Variants in DCC observed in about 807,000 individuals in gnomAD.
DCC encodes DCC netrin 1 receptor, also known as netrin receptor DCC.
DCC carries 58 observed loss-of-function variants against 172.5 expected under a neutral mutation model. The ratio of observed to expected loss-of-function variants is 0.34; its 90% CI spans 0.27 to 0.42. The LOEUF (loss-of-function observed/expected upper bound fraction) is 0.42, where lower values mean the gene tolerates loss of function less well. Ranked by LOEUF, DCC falls within the 10% of genes least tolerant of loss-of-function variation. The pLI is 1.00. For synonymous variants in DCC, 709 were observed against 644.5 expected (o/e 1.10, Z -1.52); for missense variants, 1,740 against 1,791.0 (o/e 0.97, Z 0.51).
intron 1 of DCC, among the ~76,000 whole-genome samples, chr18:52,686,202 C>G (rs1012044129): frequency 6.6e-6 from 1 of 152,070 alleles, no homozygotes; most frequent in African/African-American, 2.4e-5. Flanking sequence ...TTCCATCCTT[C>G]TTGATGGTCA....
chr18:52,502,422 T>C (rs1351297944), intron 1 of DCC, among the ~76,000 whole-genome samples: 1 of 152,206 alleles, frequency 6.6e-6, no homozygotes, highest in Admixed American at 6.6e-5. Flanking sequence ...TCAAATATCT[T>C]TGATTCTCGA....
intron 1 of DCC, among the ~76,000 whole-genome samples, chr18:52,535,402 A>T (rs919145639): frequency 1.3e-5 from 2 of 152,210 alleles, no homozygotes; most frequent in Admixed American, 6.5e-5. Flanking sequence ...AATTGTTGTA[A>T]TCCTTGCCTA....
At chr18:52,433,665 T>C (rs1987697794) in intron 1 of DCC, among the ~76,000 whole-genome samples, 1 of 152,242 alleles carries the variant, frequency 6.6e-6, no homozygotes. Flanking sequence ...AAAGATATTG[T>C]AGTATACATC....
chr18:52,940,906 A>G (rs148945500), intron 5 of DCC: 2 of 152,276 alleles, frequency 1.3e-5, no homozygotes, highest in South Asian at 2.1e-4. Flanking sequence ...GTATTTTAGT[A>G]CTTGGAGTAG....
chr18:53,400,268 A>C (rs1027848349), intron 18 of DCC, among the ~76,000 whole-genome samples: 1 of 152,016 alleles, frequency 6.6e-6, no homozygotes, highest in Admixed American at 6.6e-5. Context: ...AGGGACTTCC[A>C]AAGAATGGAA....
rs66655401 is a variant in DCC, at chr18:52,564,667, T to TGG, written c.92-187377_92-187376dup. On this transcript the variant is annotated intron_variant, in intron 1 of 28. Transcript: ENST00000442544. ...TATGGGATATCTTTTATTATAATAT[T>TGG]GGGGGGGGGGGTGTTAAAATGCCTC... is the stretch of plus-strand genomic sequence containing the variant. Among the ~76,000 whole-genome samples, 224 of 110,538 alleles carry TGG rather than the reference T, an allele frequency of 2.0e-3. 3 individuals are homozygous for TGG. Among genetic ancestry groups the TGG allele is most frequent in the African/African-American group, 6.5e-3 (175 of 26,930 alleles). The allele number at this position is 110,538 out of a possible 152,430, so 72.5% of individuals were successfully genotyped here.
intron 5 of DCC, among the ~76,000 whole-genome samples, chr18:53,028,717 A>G (rs1259549489): frequency 1.3e-5 from 2 of 152,170 alleles, no homozygotes; most frequent in Non-Finnish European, 2.9e-5. Context: ...TAGCCTCTAC[A>G]ATACTTCCAC....
intron 1 of DCC, among the ~76,000 whole-genome samples, chr18:52,346,727 A>G (rs1751379066): frequency 6.6e-6 from 1 of 152,274 alleles, no homozygotes; most frequent in Middle Eastern, 3.4e-3. Flanking sequence ...AGTAGGAAAC[A>G]CACAAATCAT....
At chr18:52,377,251 C>T (rs1985388775) in intron 1 of DCC, among the ~76,000 whole-genome samples, 1 of 152,128 alleles carries the variant, frequency 6.6e-6, no homozygotes, top group Admixed American at 6.5e-5. Flanking sequence ...AGGAACCAGC[C>T]TACATTACTA....
chr18:52,546,649 T>C (rs556383119), intron 1 of DCC, among the ~76,000 whole-genome samples: 9 of 144,198 alleles, frequency 6.2e-5, no homozygotes, highest in Non-Finnish European at 1.3e-4. Context: ...TAGAATGTGA[T>C]CAATAATAAT....
chr18:52,473,361 T>C (rs576581785), intron 1 of DCC, among the ~76,000 whole-genome samples: 2 of 152,340 alleles, frequency 1.3e-5, no homozygotes, highest in South Asian at 4.1e-4. Flanking sequence ...GTCTCTCAAG[T>C]CAATTGGCAT....
chr18:52,556,253 G>A (rs570250292), intron 1 of DCC, among the ~76,000 whole-genome samples: 4 of 152,176 alleles, frequency 2.6e-5, no homozygotes, highest in Admixed American at 6.6e-5. Context: ...GTCCAAAGTT[G>A]TAACACAAAA....
At chr18:52,548,550 G>A (rs1485046808) in intron 1 of DCC, among the ~76,000 whole-genome samples, 1 of 152,066 alleles carries the variant, frequency 6.6e-6, no homozygotes, top group Non-Finnish European at 1.5e-5. Flanking sequence ...GTGGGCAATT[G>A]CTAAGCTAGC....
At chr18:53,441,745 G>T (rs546606824) in intron 22 of DCC, among the ~76,000 whole-genome samples, 2 of 152,266 alleles carry the variant, frequency 1.3e-5, no homozygotes, top group Admixed American at 6.5e-5. Flanking sequence ...TAACCTCTTA[G>T]CTGATCTCCA....
chr18:53,287,544 C>G (rs1471937469), intron 12 of DCC, among the ~76,000 whole-genome samples: 1 of 152,086 alleles, frequency 6.6e-6, no homozygotes, highest in Non-Finnish European at 1.5e-5. Context: ...CTATTTTTAA[C>G]CTTTTGAGGA....
intron 2 of DCC, among the ~76,000 whole-genome samples, chr18:52,798,581 TGAAAG>T (rs150555608): frequency 0.043 from 6,500 of 152,100 alleles, 211 homozygotes; most frequent in South Asian, 0.16. Context: ...CTTTCTGAGT[TGAAAG>T]GAAGCTACTC....
At chr18:53,428,283 T>C (rs1240429293) in intron 21 of DCC, among the ~76,000 whole-genome samples, 4 of 87,334 alleles carry the variant, frequency 4.6e-5, no homozygotes, top group Non-Finnish European at 5.8e-5. Flanking sequence ...TATAATAAAT[T>C]ATATAGAATA....
chr18:53,328,622 C>A (rs2057495233), intron 14 of DCC, among the ~76,000 whole-genome samples: 1 of 151,248 alleles, frequency 6.6e-6, no homozygotes, highest in Admixed American at 6.6e-5. Context: ...GCAACTTTCA[C>A]CTCTCGGGTT....
chr18:53,023,429 A>AAAAATTCTTCTTAT (rs2041912831), intron 5 of DCC, among the ~76,000 whole-genome samples: 1 of 129,214 alleles, frequency 7.7e-6, no homozygotes, highest in Non-Finnish European at 1.7e-5. Flanking sequence ...AAAAAAAAAA[A>AAAAATTCTTCTTAT]GATTCTTCTT....
Sources: allele counts gnomAD v4.1 joint callset (sites outside exome capture counted in the v4.1 genomes callset), GRCh38; gene constraint gnomAD v4.1.1; transcripts MANE v1.5; gene names NCBI Gene and HGNC (gene_info 2026-07-23, HGNC 2026-07-21).